RP1: variants seen among roughly 807,000 people sequenced by gnomAD.
The protein encoded by RP1 is oxygen-regulated protein 1.
In RP1, 16 loss-of-function variants were observed where a neutral mutation model predicts 14.8. The observed-to-expected ratio is 1.08, with a 90% confidence interval of 0.73 to 1.65. The LOEUF (loss-of-function observed/expected upper bound fraction) is 1.65. Ranked by LOEUF, RP1 falls within the 40% of genes most tolerant of loss-of-function variation. The pLI is 0.00. For missense variants in RP1, 2,631 were observed against 2,535.0 expected (o/e 1.04, Z -0.81); for synonymous variants, 876 against 883.6 (o/e 0.99, Z 0.15).
intron 19 of RP1, among the ~76,000 whole-genome samples, chr8:54,747,837 G>A (rs1809265701): frequency 6.6e-6 from 1 of 152,150 alleles, no homozygotes; most frequent in South Asian, 2.1e-4. Flanking sequence ...CATATATATA[G>A]CCTGGAGAGT....
At chr8:54,634,711 T>C (rs1806314555), downstream of RP1, among the ~76,000 whole-genome samples, 1 of 152,170 alleles carries the variant, frequency 6.6e-6, no homozygotes, top group Non-Finnish European at 1.5e-5. Context: ...AGTACTATGT[T>C]TGATGGTTTA....
rs1404498743 is a variant in RP1, at chr8:54,629,277, G to A, written c.5395G>A (p.Glu1799Lys). The part of the protein sequence containing the change: ...GNLAPGPTMD[E>K]LSSSELEELT... ...TTTGGCCCCAGGCCCAACGATGGAT[G>A]AACTCTCCTCTTCAGAACTCGAGGA... Residue 1799 changes from glutamate to lysine, a missense_variant, in exon 4 of 4, where the codon GAA (glutamate) becomes AAA (lysine). By Grantham distance (56) the Glu-to-Lys change is moderately conservative. Transcript: ENST00000220676. The A allele has an allele frequency of 2.5e-6, 4 of 1,613,678 alleles. No homozygotes were observed. The highest frequency in any genetic ancestry group is 3.4e-6 in the Non-Finnish European group (4 of 1,179,748).
intron 15 of RP1, among the ~76,000 whole-genome samples, chr8:54,716,728 C>G (rs773094721): frequency 9.2e-5 from 14 of 152,168 alleles, no homozygotes; most frequent in Non-Finnish European, 7.3e-5. Flanking sequence ...CTCCTGATGT[C>G]TCCATGTGAG....
chr8:54,699,887 T>C lies in RP1; in HGVS notation c.1821+317T>C, dbSNP rs180982692. On this transcript the variant is annotated intron_variant, in intron 13 of 22. Coordinates refer to the RP1 transcript ENST00000636932. Reference sequence around the variant, plus strand: ...GAGAAAAAACAATAATTTTTTATAGTTATACCTTGTGTTGCTTAGTTTAGA... The same window carrying C: ...GAGAAAAAACAATAATTTTTTATAGCTATACCTTGTGTTGCTTAGTTTAGA... Among the ~76,000 whole-genome samples the C allele has an allele frequency of 6.7e-4, 102 of 152,300 alleles. 1 individual carries two copies. The highest frequency in any genetic ancestry group is 2.4e-3 in the African/African-American group (99 of 41,566).
intron 24 of RP1, among the ~76,000 whole-genome samples, chr8:54,824,714 C>T (rs187394675): frequency 3.9e-5 from 6 of 152,110 alleles, no homozygotes; most frequent in African/African-American, 1.2e-4. Flanking sequence ...AATTATATAC[C>T]GTGACCAAGT....
chr8:54,682,836 A>T (rs936748678), intron 12 of RP1, among the ~76,000 whole-genome samples: 3 of 151,864 alleles, frequency 2.0e-5, no homozygotes, highest in African/African-American at 4.8e-5. Context: ...TCTTTTGTTG[A>T]AATTGCTTTT....
intron 24 of RP1, among the ~76,000 whole-genome samples, chr8:54,815,982 G>A (rs1337522270): frequency 6.6e-6 from 1 of 152,160 alleles, no homozygotes; most frequent in African/African-American, 2.4e-5. Flanking sequence ...CAGTTTGACT[G>A]TAACACTTTC....
intron 25 of RP1, chr8:54,837,678 T>G: frequency 8.3e-7 from 1 of 1,209,886 alleles, no homozygotes; most frequent in Non-Finnish European, 1.0e-6. Context: ...AGGTATATAA[T>G]TTCATTTCCT....
intron 28 of RP1, among the ~76,000 whole-genome samples, chr8:54,867,853 A>C (rs1297548557): frequency 6.6e-6 from 1 of 152,184 alleles, no homozygotes; most frequent in African/African-American, 2.4e-5. Context: ...ATAAAATCAA[A>C]TCAAATAAAA....
intron 3 of RP1, among the ~76,000 whole-genome samples, chr8:54,640,456 T>C (rs1047269036): frequency 1.3e-5 from 2 of 152,222 alleles, no homozygotes; most frequent in Admixed American, 6.5e-5. Context: ...GGTTCTTTCA[T>C]TTTTCCTTTT....
intron 1 of RP1, among the ~76,000 whole-genome samples, chr8:54,617,408 C>G (rs1424136474): frequency 1.3e-5 from 2 of 152,204 alleles, no homozygotes; most frequent in Non-Finnish European, 2.9e-5. Context: ...AATTCTGATT[C>G]GTTCTTAAAA....
chr8:54,869,833 T>C (rs991442197), intron 28 of RP1: 2 of 1,187,524 alleles, frequency 1.7e-6, no homozygotes, highest in Admixed American at 4.2e-5. Flanking sequence ...TTCTTTTTTT[T>C]GCATGGCAGA....
intron 24 of RP1, among the ~76,000 whole-genome samples, chr8:54,787,039 A>G (rs960014682): frequency 6.6e-6 from 1 of 152,164 alleles, no homozygotes; most frequent in Admixed American, 6.5e-5. Context: ...TAGGCCTTGA[A>G]GAGGAACTTG....
chr8:54,621,193 T>A lies in RP1; in HGVS notation c.227T>A (p.Leu76His). Residue 76 changes from leucine (L) to histidine (H), a missense_variant, in exon 2 of 4, where the codon CTC becomes CAC. Physicochemically the swap from Leu to His is moderately conservative, Grantham distance 99. Transcript: ENST00000220676. Reference sequence around the variant, plus strand: ...GATAACTTGTCCAGGAAGGTGCCCCTCCCTTTTGGAGTGAGGAACATCAGC... The same window carrying A: ...GATAACTTGTCCAGGAAGGTGCCCCACCCTTTTGGAGTGAGGAACATCAGC... ...LLDNLSRKVP[L>H]PFGVRNISTP... The A allele has an allele frequency of 1.2e-6, 2 of 1,614,028 alleles. No homozygotes were observed. Among genetic ancestry groups the A allele is most frequent in the Non-Finnish European group, 1.7e-6 (2 of 1,179,988 alleles).
At chr8:54,667,580 G>A (rs1406765809) in intron 7 of RP1, among the ~76,000 whole-genome samples, 3 of 152,120 alleles carry the variant, frequency 2.0e-5, no homozygotes, top group Non-Finnish European at 4.4e-5. Flanking sequence ...TTTCTGGGAT[G>A]TGGTTTGCGG....
intron 24 of RP1, among the ~76,000 whole-genome samples, chr8:54,827,199 G>C (rs901902779): frequency 3.7e-4 from 57 of 152,100 alleles, no homozygotes; most frequent in African/African-American, 1.3e-3. Flanking sequence ...GCCTACACTA[G>C]ATTTATAAAA....
chr8:54,717,826 C>T (rs1383836869), intron 15 of RP1, among the ~76,000 whole-genome samples: 1 of 152,154 alleles, frequency 6.6e-6, no homozygotes, highest in East Asian at 1.9e-4. Flanking sequence ...TGATATTAGT[C>T]TTTATGTAGG....
At chr8:54,861,849 G>A (rs1048956569) in intron 27 of RP1, among the ~76,000 whole-genome samples, 3 of 152,042 alleles carry the variant, frequency 2.0e-5, no homozygotes, top group African/African-American at 2.4e-5. Flanking sequence ...TAATCTACCC[G>A]CCTTGGCCTC....
chr8:54,693,656 G>A (rs1470423243), intron 12 of RP1, among the ~76,000 whole-genome samples: 1 of 152,082 alleles, frequency 6.6e-6, no homozygotes, highest in East Asian at 1.9e-4. Flanking sequence ...TGTGATTTTT[G>A]TACATTGATT....
Sources: gnomAD v4.1 joint callset for allele counts (sites outside exome capture counted in the v4.1 genomes callset) on GRCh38, gnomAD v4.1.1 for gene constraint, MANE v1.5 for transcripts, NCBI Gene and HGNC (gene_info 2026-07-23, HGNC 2026-07-21) for gene names.